FGGY: variants seen among roughly 807,000 people sequenced by gnomAD.
FGGY encodes the protein FGGY carbohydrate kinase domain-containing protein.
Under a neutral mutation model 71.3 loss-of-function variants are expected in FGGY, and 72 were observed. The observed-to-expected ratio is 1.01, with a 90% CI of 0.84 to 1.23. FGGY has a LOEUF of 1.23. Among genes scored for constraint, FGGY ranks in the 50% most tolerant of loss-of-function variants. FGGY has a pLI of 0.00. For missense variants in FGGY, 668 were observed against 682.3 expected, an observed-to-expected ratio of 0.98 and a Z score of 0.23; for synonymous variants, 251 against 250.3, an observed-to-expected ratio of 1.00 and a Z score of -0.02.
intron 6 of FGGY, among the ~76,000 whole-genome samples, chr1:59,484,077 A>G (rs2093587098): frequency 6.6e-6 from 1 of 152,172 alleles, no homozygotes; most frequent in African/African-American, 2.4e-5. Flanking sequence ...TACAGGTACC[A>G]TTATTATCTT....
intron 11 of FGGY, among the ~76,000 whole-genome samples, chr1:59,649,040 G>T (rs1558668410): frequency 5.3e-5 from 8 of 151,662 alleles, no homozygotes. Flanking sequence ...TCTCAGGTTT[G>T]TCAAAGATCA....
chr1:59,513,157 A>G (rs1470060713), intron 7 of FGGY, among the ~76,000 whole-genome samples: 3 of 152,326 alleles, frequency 2.0e-5, no homozygotes, highest in African/African-American at 4.8e-5. Context: ...CTGTAGCCAT[A>G]TATTTTTTTC....
Position 59,465,357 on chromosome 1 carries a change from C to G in FGGY, c.670+8281C>G, listed in dbSNP as rs1572494711. 2.0e-5 allele frequency among the ~76,000 whole-genome samples: 3 copies of G among 152,100 alleles called. No homozygotes were observed. The East Asian group carries it at 5.8e-4, about 29-fold the overall frequency. On this transcript the variant is annotated intron_variant, in intron 6 of 15. Coordinates refer to ENST00000303721, the MANE Select transcript of FGGY (RefSeq NM_018291.5). ...AACTAGGTATTGATGGAACATATCT[C>G]AAAATAATAAGAGCTGTTTATGACA...
chr1:59,679,807 A>G (rs1222911578), intron 14 of FGGY, among the ~76,000 whole-genome samples: 1 of 152,148 alleles, frequency 6.6e-6, no homozygotes, highest in African/African-American at 2.4e-5. Context: ...TGTAGGCTGC[A>G]TAATTTTCTA....
intron 5 of FGGY, among the ~76,000 whole-genome samples, chr1:59,406,252 T>A (rs2062730483): frequency 6.7e-6 from 1 of 149,850 alleles, no homozygotes; most frequent in Non-Finnish European, 1.5e-5. Context: ...TTTCTGAGTC[T>A]CTCGTCATGC....
In FGGY at chr1:59,372,778, C is replaced by G. The variant is rs144662216; in HGVS notation, c.466-5971C>G. Among the ~76,000 whole-genome samples the G allele has an allele frequency of 7.7e-3, 1,169 of 152,108 alleles. 16 individuals are homozygous for G. Among genetic ancestry groups the G allele is most frequent in the African/African-American group, 0.027 (1,130 of 41,440 alleles). The stretch of plus-strand genomic sequence containing the variant: ...ATATACGCAAATCAATAAATGTAAT[C>G]CAGCATATAAACAGAACCAAAGACA... On this transcript the variant is annotated intron_variant, in intron 4 of 15. Transcript: ENST00000303721.
chr1:59,316,311 T>A (rs2045445790), intron 1 of FGGY: 1 of 152,044 alleles, frequency 6.6e-6, no homozygotes. Flanking sequence ...CCTGGAGGAG[T>A]GGCGCCTTAA....
intron 5 of FGGY, among the ~76,000 whole-genome samples, chr1:59,393,721 G>GT (rs1011553399): frequency 1.3e-5 from 2 of 152,124 alleles, no homozygotes; most frequent in African/African-American, 4.8e-5. Flanking sequence ...GATTGAATGT[G>GT]TTTTTTTGTT....
At chr1:59,640,384 G>A (rs554691695) in intron 11 of FGGY, among the ~76,000 whole-genome samples, 98 of 152,222 alleles carry the variant, frequency 6.4e-4, no homozygotes, top group South Asian at 2.9e-3. Context: ...TGGAAACTAC[G>A]ATGATGCCTA....
chr1:59,402,199 C>G (rs1184259129), intron 5 of FGGY, among the ~76,000 whole-genome samples: 1 of 152,116 alleles, frequency 6.6e-6, no homozygotes, highest in Non-Finnish European at 1.5e-5. Flanking sequence ...ACATTCGTTG[C>G]CTCTTTAGGA....
intron 5 of FGGY, among the ~76,000 whole-genome samples, chr1:59,401,242 A>G (rs2061930506): frequency 6.6e-6 from 1 of 152,218 alleles, no homozygotes; most frequent in African/African-American, 2.4e-5. Context: ...ATAATATTCA[A>G]CTAAGGGATG....
intron 4 of FGGY, among the ~76,000 whole-genome samples, chr1:59,370,077 G>C (rs945318442): frequency 1.3e-5 from 2 of 152,198 alleles, no homozygotes; most frequent in African/African-American, 4.8e-5. Flanking sequence ...TGACTTTGAC[G>C]AGTTGAGAGA....
chr1:59,505,069 A>T (rs1280327390), intron 6 of FGGY, among the ~76,000 whole-genome samples: 1 of 152,186 alleles, frequency 6.6e-6, no homozygotes, highest in East Asian at 1.9e-4. Flanking sequence ...ATAATTTTTA[A>T]GTTGGATTAA....
At chr1:59,325,987 GA>G (rs1557552864) in intron 2 of FGGY, among the ~76,000 whole-genome samples, 1 of 152,168 alleles carries the variant, frequency 6.6e-6, no homozygotes, top group East Asian at 1.9e-4. Flanking sequence ...TGCAGTCCAC[GA>G]TTTTAAAGGT....
chr1:59,557,958 A>T (rs1219800077), intron 8 of FGGY, among the ~76,000 whole-genome samples: 2 of 152,110 alleles, frequency 1.3e-5, no homozygotes, highest in African/African-American at 4.8e-5. Context: ...TCAGAACTGA[A>T]GTTTTTTCAG....
intron 10 of FGGY, among the ~76,000 whole-genome samples, chr1:59,633,527 C>T (rs2096928168): frequency 6.6e-6 from 1 of 152,000 alleles, no homozygotes; most frequent in African/African-American, 2.4e-5. Context: ...TGCCCTGTCC[C>T]CATCTTCTGT....
At chr1:59,355,712 A>G (rs555376791) in intron 4 of FGGY, among the ~76,000 whole-genome samples, 20 of 152,254 alleles carry the variant, frequency 1.3e-4, no homozygotes, top group African/African-American at 4.3e-4. Flanking sequence ...GGACTTAAGT[A>G]GCATCCCCAA....
chr1:59,357,522 T>C (rs79360847), intron 4 of FGGY, among the ~76,000 whole-genome samples: 3,734 of 152,260 alleles, frequency 0.025, 177 homozygotes, highest in African/African-American at 0.086. Context: ...GTGAAGGTCC[T>C]TTGGGCTTAA....
intron 7 of FGGY, among the ~76,000 whole-genome samples, chr1:59,545,811 A>G (rs1355963417): frequency 6.6e-6 from 1 of 152,212 alleles, no homozygotes; most frequent in Non-Finnish European, 1.5e-5. Context: ...TGCCATCCCA[A>G]GTTAAACTGC....
Sources: allele counts gnomAD v4.1 joint callset (sites outside exome capture counted in the v4.1 genomes callset), GRCh38; gene constraint gnomAD v4.1.1; transcripts MANE v1.5; gene names NCBI Gene and HGNC (gene_info 2026-07-23, HGNC 2026-07-21).